The following FLAD1 variants were observed in gnomAD, a reference collection of about 807,000 sequenced individuals.
FLAD1 encodes flavin adenine dinucleotide synthetase 1.
A neutral mutation model predicts 55.0 loss-of-function variants in FLAD1; 35 were observed. The observed-to-expected ratio is 0.64, with a 90% CI of 0.49 to 0.84. The LOEUF (loss-of-function observed/expected upper bound fraction) is 0.84, where lower values mean the gene tolerates loss of function less well. Ranked by LOEUF, FLAD1 falls within the 40% of genes least tolerant of loss-of-function variation. FLAD1 has a pLI of 0.00. For missense variants in FLAD1, 665 were observed against 742.6 expected (o/e 0.90, Z 1.21); for synonymous variants, 267 against 303.0 (o/e 0.88, Z 1.23).
rs1197225819 is a variant in FLAD1, at chr1:154,988,425, T to C, written c.693T>C (p.Tyr231=). The C allele has an allele frequency of 1.2e-6, 2 of 1,614,238 alleles. No individual in the cohort carries two copies. The highest frequency in any genetic ancestry group is 1.1e-5 in the South Asian group (1 of 91,090). The change falls in exon 2 of 7, where the codon TAT becomes TAC. Residue 231 remains tyrosine, a synonymous_variant. Coordinates refer to ENST00000292180, the MANE Select transcript of FLAD1 (RefSeq NM_025207.5). ...TGCCCTCCTCTGCCCGCCTGCATTA[T>C]GGCACAGATCCTTGCACTGGTCAAC... ...SLVPSSARLH[Y]GTDPCTGQPF...
intron 1 of FLAD1, among the ~76,000 whole-genome samples, chr1:154,986,218 T>TTTTG (rs746442010): frequency 2.6e-5 from 4 of 151,818 alleles, no homozygotes; most frequent in Non-Finnish European, 5.9e-5. Flanking sequence ...TTTGTGGGGT[T>TTTTG]TTTGTTTGTT....
In FLAD1 at chr1:154,989,638, T is replaced by C; in HGVS notation, c.1196T>C (p.Leu399Pro). ...TSLAQYSLTQLCVGFNGGKDC... is the reference protein window; with the variant it reads ...TSLAQYSLTQPCVGFNGGKDC... Reference sequence around the variant, plus strand: ...CTGGCTCAGTACAGCCTCACCCAGCTCTGTGTGGGCTTCAACGGGGGCAAA... The same window carrying C: ...CTGGCTCAGTACAGCCTCACCCAGCCCTGTGTGGGCTTCAACGGGGGCAAA... The change falls in exon 3 of 7, where the codon CTC becomes CCC. Residue 399 changes from leucine to proline, a missense_variant. Leu to Pro is a moderately conservative substitution (Grantham distance 98, BLOSUM62 -3). Transcript: ENST00000292180. 1 of 1,601,804 alleles carries C rather than the reference T, an allele frequency of 6.2e-7. No homozygotes were observed. The highest frequency in any genetic ancestry group is 8.5e-7 in the Non-Finnish European group (1 of 1,173,106).
intron 2 of FLAD1, 63 bp from the exon 3 acceptor site, chr1:154,989,497 C>A: frequency 7.0e-7 from 1 of 1,434,382 alleles, no homozygotes; most frequent in South Asian, 1.5e-5. Context: ...GGCAGCATGC[C>A]TTCACTCCCC....
intron 1 of FLAD1, 149 bp from the exon 2 acceptor site, chr1:154,987,956 T>C: frequency 6.6e-7 from 1 of 1,524,612 alleles, no homozygotes; most frequent in Non-Finnish European, 8.8e-7. Flanking sequence ...TTTCCCACTC[T>C]TGTGTCCAGT....
At chr1:154,985,079 C>T (rs1324678695) in intron 1 of FLAD1, among the ~76,000 whole-genome samples, 2 of 108,372 alleles carry the variant, frequency 1.8e-5, no homozygotes, top group Non-Finnish European at 3.4e-5. Context: ...AACGGTCTCA[C>T]TATGTTGCCC....
In FLAD1 at chr1:154,983,827, T is replaced by C; in HGVS notation, c.133T>C (p.Phe45Leu). The C allele has an allele frequency of 6.2e-7, 1 of 1,614,186 alleles. No homozygotes were observed. The highest frequency in any genetic ancestry group is 8.5e-7 in the Non-Finnish European group (1 of 1,180,026). ...TRTPALPHCL[F>L]WLLQVPSTQD... Reference sequence around the variant, plus strand: ...CACGCCTGCTCTCCCCCATTGTCTTTTCTGGCTTCTCCAGGTTCCCTCGAC... The same window carrying C: ...CACGCCTGCTCTCCCCCATTGTCTTCTCTGGCTTCTCCAGGTTCCCTCGAC... Residue 45 changes from phenylalanine (F) to leucine (L), a missense_variant, in exon 1 of 7, where the codon TTC becomes CTC. Transcript: ENST00000292180.
chr1:154,988,251 C>A lies in FLAD1; in HGVS notation c.519C>A (p.Val173=), dbSNP rs1385519427. The change falls in exon 2 of 7, where the codon GTC becomes GTA. Residue 173 remains valine, a synonymous_variant. Coordinates refer to ENST00000292180, the MANE Select transcript of FLAD1 (RefSeq NM_025207.5). ...CTTTCTCCAACCGCTTCACCCATGT[C>A]CTCACAGCAGGGGGCATCGGCCCCA... ...VTSFSNRFTH[V]LTAGGIGPTH... 6.2e-7 allele frequency: 1 copy of A among 1,614,248 alleles called. No homozygotes were observed. Among genetic ancestry groups the A allele is most frequent in the Non-Finnish European group, 8.5e-7 (1 of 1,180,042 alleles).
In FLAD1 at chr1:154,988,530, G is replaced by T. The variant is rs533763383; in HGVS notation, c.798G>T (p.Glu266Asp). 4 of 1,614,264 alleles carry T rather than the reference G, an allele frequency of 2.5e-6. No homozygotes were observed. The highest frequency in any genetic ancestry group is 2.2e-5 in the East Asian group (1 of 44,892). ...CAGAGCTGCTGCGGCGGGTGCTGGA[G>T]GGGATGAAGGGACTATTCCAAAACC... is the stretch of plus-strand genomic sequence containing the variant. ...GIPELLRRVL[E>D]GMKGLFQNPA... The change falls in exon 2 of 7, where the codon GAG (glutamate) becomes GAT (aspartate). Residue 266 changes from glutamate (E) to aspartate (D), a missense_variant. Coordinates refer to ENST00000292180, the MANE Select transcript of FLAD1 (RefSeq NM_025207.5).
chr1:154,989,075 C>G (rs935771868), intron 2 of FLAD1: 4 of 1,094,576 alleles, frequency 3.7e-6, no homozygotes, highest in East Asian at 2.6e-5. Flanking sequence ...ATGCCCTGCT[C>G]TTATGGACCA....
At chr1:154,991,225 A>AAAAAT (rs1553254618) in intron 5 of FLAD1, 1 of 83,164 alleles carries the variant, frequency 1.2e-5, no homozygotes, top group African/African-American at 5.3e-5. Context: ...AAAAAAAAAA[A>AAAAAT]ATATATATAT....
At chr1:154,989,154 C>G in intron 2 of FLAD1, 1 of 631,774 alleles carries the variant, frequency 1.6e-6, no homozygotes, top group East Asian at 2.9e-5. Flanking sequence ...GAGTGATCTC[C>G]CACAGCAGGG....
At chr1:154,988,001 A>G in intron 1 of FLAD1, 104 bp from the exon 2 acceptor site, 1 of 1,589,684 alleles carries the variant, frequency 6.3e-7, no homozygotes. Context: ...GGTGTCCTTC[A>G]AAGAGCAGAG....
chr1:154,984,155 CAG>C, intron 1 of FLAD1, 89 bp downstream of exon 1: 1 of 1,234,486 alleles, frequency 8.1e-7, no homozygotes. Context: ...GGAGGTGAAA[CAG>C]GGTGGGAGCC....
At chr1:154,991,222 AAAAATATATATATATATATG>A (rs1216161741) in intron 5 of FLAD1, 5 of 123,196 alleles carry the variant, frequency 4.1e-5, no homozygotes, top group South Asian at 2.6e-4. Context: ...AAAAAAAAAA[AAAAATATATATATATATATG>A]TATATATATA....
At position 154,990,543 on chromosome 1, in the gene FLAD1, G is replaced by A. The variant is rs750965675; in HGVS notation, c.1554+15G>A. ...ACCCACTGCTGGTAATGGGGAAGAG[G>A]GTTTATCACCTTCAGTCTCACGTGC... On this transcript the variant is annotated intron_variant, in intron 5 of 6. Coordinates refer to ENST00000292180, the MANE Select transcript of FLAD1 (RefSeq NM_025207.5). 1.8e-5 allele frequency: 29 copies of A among 1,578,130 alleles called. No individual in the cohort carries two copies. In the Admixed American group the frequency reaches 4.9e-4, roughly 27 times the overall value.
intron 3 of FLAD1, among the ~76,000 whole-genome samples, chr1:154,989,948 C>T (rs527582436): frequency 6.6e-6 from 1 of 152,254 alleles, no homozygotes; most frequent in East Asian, 1.9e-4. Context: ...GAGAGATTTA[C>T]ATACCTGAAC....
intron 1 of FLAD1, 38 bp downstream of exon 1, chr1:154,984,104 TCTC>T: frequency 6.8e-7 from 1 of 1,460,598 alleles, no homozygotes. Flanking sequence ...GGCGCTGCGT[TCTC>T]CTGTCCTTAA....
In FLAD1 at chr1:154,983,884, C is replaced by CG. The variant is rs770645984; in HGVS notation, c.190_191insG (p.Gln64ArgfsTer38). On this transcript the variant is annotated frameshift_variant, in exon 1 of 7. Transcript: ENST00000292180. LOFTEE classifies it high-confidence loss of function. ...CCCCCTGTTCCCAGGCTATGGCCCC[C>CG]AGTGCCCTGTAGACCTGGCAGGCCC... 3 of 1,613,870 alleles carry CG rather than the reference C, an allele frequency of 1.9e-6. No individual in the cohort carries two copies. In the African/African-American group the frequency reaches 4.0e-5, roughly 22 times the overall value.
In FLAD1 at chr1:154,990,404, G is replaced by A. The variant is rs780183591; in HGVS notation, c.1430G>A (p.Arg477Gln). The change falls in exon 5 of 7, where the codon CGG becomes CAG. Residue 477 changes from arginine (R) to glutamine (Q), a missense_variant. By Grantham distance (43) the Arg-to-Gln change is conservative. Coordinates refer to ENST00000292180, the MANE Select transcript of FLAD1 (RefSeq NM_025207.5). ...MKQALGELQA[R>Q]HPQLEAVLMG... ...CAGGCCCTGGGTGAACTGCAGGCAC[G>A]GCACCCCCAGCTGGAGGCTGTCCTT... 68 of 1,613,980 alleles carry A rather than the reference G, an allele frequency of 4.2e-5. No homozygotes were observed. Among genetic ancestry groups the A allele is most frequent in the African/African-American group, 4.0e-5 (3 of 74,910 alleles).
Sources: allele counts gnomAD v4.1 joint callset (sites outside exome capture counted in the v4.1 genomes callset), GRCh38; gene constraint gnomAD v4.1.1; transcripts MANE v1.5; gene names NCBI Gene and HGNC (gene_info 2026-07-23, HGNC 2026-07-21).